Variants in USH2A observed in about 807,000 individuals in gnomAD.
The protein encoded by USH2A is usherin.
USH2A carries 443 observed loss-of-function variants against 538.9 expected under a neutral mutation model. The observed-to-expected ratio is 0.82, with a 90% CI of 0.76 to 0.89. The LOEUF (loss-of-function observed/expected upper bound fraction) is 0.89. Ranked by LOEUF, USH2A falls within the 40% of genes least tolerant of loss-of-function variation. USH2A has a pLI of 0.00. For missense variants in USH2A, 6,633 were observed against 6,324.8 expected (o/e 1.05, Z -1.65); for synonymous variants, 2,413 against 2,273.5 (o/e 1.06, Z -1.75).
chr1:216,013,543 T>G (rs1302253696), intron 32 of USH2A, among the ~76,000 whole-genome samples: 2 of 152,160 alleles, frequency 1.3e-5, no homozygotes, highest in East Asian at 3.9e-4. Context: ...CTGCCTTAAC[T>G]GCTGACATTC....
chr1:215,752,902 T>A (rs1444015517), intron 58 of USH2A, among the ~76,000 whole-genome samples: 1 of 152,092 alleles, frequency 6.6e-6, no homozygotes, highest in Non-Finnish European at 1.5e-5. Flanking sequence ...AATTTTTGCA[T>A]TCTACTCATC....
intron 14 of USH2A, among the ~76,000 whole-genome samples, chr1:216,228,671 C>T (rs778680477): frequency 2.0e-5 from 3 of 152,072 alleles, no homozygotes; most frequent in Non-Finnish European, 4.4e-5. Flanking sequence ...TTGTAAGTCC[C>T]GTAAACTTCT....
intron 35 of USH2A, among the ~76,000 whole-genome samples, chr1:215,983,064 C>T (rs947869080): frequency 2.6e-5 from 4 of 152,320 alleles, no homozygotes; most frequent in Non-Finnish European, 5.9e-5. Flanking sequence ...GATTCTCCTG[C>T]CTTAGCCTCC....
In USH2A at chr1:215,743,300, C is replaced by T; in HGVS notation, c.11425G>A (p.Val3809Ile). Residue 3809 changes from valine (V) to isoleucine (I), a missense_variant, in exon 59 of 72, where the codon GTC becomes ATC. Coordinates refer to ENST00000307340, the MANE Select transcript of USH2A (RefSeq NM_206933.4). ...GTTACACTTCCATCATTGAGTAAGA[C>T]ATTGTACTCCACAGGAATTTCGGGG... ...LIPEIPVEYN[V>I]LLNDGSVTPL... 6.2e-7 allele frequency: 1 copy of T among 1,606,842 alleles called. No homozygotes were observed. Among genetic ancestry groups the T allele is most frequent in the Non-Finnish European group, 8.5e-7 (1 of 1,177,428 alleles).
chr1:216,398,099 T>G (rs1019399179), intron 3 of USH2A, among the ~76,000 whole-genome samples: 1 of 152,218 alleles, frequency 6.6e-6, no homozygotes, highest in Non-Finnish European at 1.5e-5. Flanking sequence ...CAATATACTT[T>G]AAATACAATA....
At chr1:216,271,053 C>T (rs992779787) in intron 11 of USH2A, among the ~76,000 whole-genome samples, 1 of 152,104 alleles carries the variant, frequency 6.6e-6, no homozygotes, top group Non-Finnish European at 1.5e-5. Flanking sequence ...TTTTGTGATA[C>T]AATACTCTTC....
intron 50 of USH2A, among the ~76,000 whole-genome samples, chr1:215,798,386 C>T (rs1290377151): frequency 6.6e-6 from 1 of 152,104 alleles, no homozygotes; most frequent in Non-Finnish European, 1.5e-5. Flanking sequence ...AATGTCTGAA[C>T]TTCAGTTTCT....
intron 32 of USH2A, among the ~76,000 whole-genome samples, chr1:216,001,029 T>C (rs59635500): frequency 0.038 from 5,739 of 152,288 alleles, 352 homozygotes; most frequent in African/African-American, 0.13. Context: ...CACCTGACTA[T>C]TATTTGACCT....
chr1:216,256,051 C>T (rs538293440), intron 11 of USH2A, among the ~76,000 whole-genome samples: 7 of 152,030 alleles, frequency 4.6e-5, no homozygotes, highest in Non-Finnish European at 7.4e-5. Flanking sequence ...TTAATAAAGT[C>T]ACCCTAGATT....
At chr1:216,187,750 T>A (rs767885759) in intron 20 of USH2A, among the ~76,000 whole-genome samples, 4 of 152,058 alleles carry the variant, frequency 2.6e-5, no homozygotes, top group Admixed American at 6.6e-5. Context: ...GAGAATGAAC[T>A]GTGATGGGCA....
rs548746699 is a variant in USH2A at position 216,217,646 on chromosome 1, C to T, written c.2994-96G>A. ...CTACCAATAGCATTGTAGAGTAAGA[C>T]GGCTTGTTTTAGCCAATATATTGAA... On this transcript the variant is annotated intron_variant, in intron 14 of 71. Coordinates refer to ENST00000307340, the MANE Select transcript of USH2A (RefSeq NM_206933.4). 297 of 1,461,570 alleles carry T rather than the reference C, an allele frequency of 2.0e-4. 2 individuals carry two copies. In the South Asian group the frequency reaches 2.6e-3, roughly 13 times the overall value. 90.5% of individuals were successfully genotyped at this position (1,461,570 alleles called of 1,614,324 possible).
intron 16 of USH2A, among the ~76,000 whole-genome samples, chr1:216,204,882 C>T (rs968276205): frequency 3.9e-5 from 6 of 152,022 alleles, no homozygotes; most frequent in Non-Finnish European, 8.8e-5. Flanking sequence ...CAAGAAATGC[C>T]AGAAGTGGCA....
rs904415747 is a variant in USH2A at position 215,624,369 on chromosome 1, A to G, written c.*1412T>C. The G allele has an allele frequency of 3.9e-5, 6 of 152,080 alleles. No individual in the cohort carries two copies. The highest frequency in any genetic ancestry group is 7.4e-5 in the Non-Finnish European group (5 of 68,008). 9.4% of individuals were successfully genotyped at this position (152,080 alleles called of 1,614,324 possible). The stretch of plus-strand genomic sequence containing the variant: ...TTACTGTTGGGCCCTGGGGTAATAC[A>G]TTGTTTTCAGGCAGAATAAGTAAGA... On this transcript the variant is annotated 3_prime_UTR_variant, in exon 72 of 72. Coordinates refer to ENST00000307340, the MANE Select transcript of USH2A (RefSeq NM_206933.4).
chr1:215,994,676 G>C (rs1166367373), intron 34 of USH2A, among the ~76,000 whole-genome samples: 1 of 152,026 alleles, frequency 6.6e-6, no homozygotes, highest in Non-Finnish European at 1.5e-5. Flanking sequence ...TGTGGCATGT[G>C]CCTTTCTGTG....
chr1:215,661,295 T>C (rs1657426912), intron 64 of USH2A, among the ~76,000 whole-genome samples: 1 of 152,180 alleles, frequency 6.6e-6, no homozygotes, highest in Non-Finnish European at 1.5e-5. Context: ...CTCTGGCTCC[T>C]TTCCATTAGG....
intron 55 of USH2A, among the ~76,000 whole-genome samples, chr1:215,771,799 G>T (rs1661298281): frequency 6.6e-6 from 1 of 151,894 alleles, no homozygotes; most frequent in African/African-American, 2.4e-5. Flanking sequence ...TGGCTTCTAG[G>T]TTCCTCAGTT....
chr1:216,030,834 T>C (rs1401618451), intron 32 of USH2A, among the ~76,000 whole-genome samples: 1 of 151,376 alleles, frequency 6.6e-6, no homozygotes, highest in East Asian at 1.9e-4. Context: ...TAATCTACAA[T>C]ACAGAGATAC....
At position 215,782,025 on chromosome 1, in the gene USH2A, A is replaced by T. The variant is rs772455255; in HGVS notation, c.10740+17T>A. On this transcript the variant is annotated intron_variant, in intron 54 of 71. Transcript: ENST00000307340. ...CACTGAACCCCTTTTCCCAGAGTTT[A>T]GGCAAACTCCTCTTACCTTGCTACT... 2.5e-6 allele frequency: 4 copies of T among 1,613,784 alleles called. No homozygotes were observed. The highest frequency in any genetic ancestry group is 2.2e-5 in the East Asian group (1 of 44,860).
intron 3 of USH2A, among the ~76,000 whole-genome samples, chr1:216,384,827 G>GTGGGC (rs2038978479): frequency 6.6e-6 from 1 of 152,170 alleles, no homozygotes; most frequent in Admixed American, 6.5e-5. Flanking sequence ...TATTTTCCTT[G>GTGGGC]TGGGCTAGGC....
Sources: allele counts gnomAD v4.1 joint callset (sites outside exome capture counted in the v4.1 genomes callset), GRCh38; gene constraint gnomAD v4.1.1; transcripts MANE v1.5; gene names NCBI Gene and HGNC (gene_info 2026-07-23, HGNC 2026-07-21).